Variants in RPL31 observed in about 807,000 individuals in gnomAD.
The protein encoded by RPL31 is ribosomal protein L31.
For missense variants in RPL31, 95 were observed against 164.0 expected (o/e 0.58, Z 2.30); for synonymous variants, 51 against 55.0 (o/e 0.93, Z 0.32).
At chr2:101,016,555 C>G (rs1279468079) in intron 4 of RPL31, among the ~76,000 whole-genome samples, 3 of 152,154 alleles carry the variant, frequency 2.0e-5, no homozygotes, top group African/African-American at 7.2e-5. Flanking sequence ...ACCATTTGAC[C>G]CAGCCATCCC....
chr2:101,004,300 T>A lies in RPL31; in HGVS notation c.233+17T>A. On this transcript the variant is annotated intron_variant, in intron 3 of 4. Coordinates refer to ENST00000264258, the MANE Select transcript of RPL31 (RefSeq NM_000993.5). ...AGGAATAAGGTGCTAAAGTTATCTG[T>A]ATTCGAAGGTGAACTTTTGCAATGA... 2 of 1,612,858 alleles carry A rather than the reference T, an allele frequency of 1.2e-6. No homozygotes were observed. Among genetic ancestry groups the A allele is most frequent in the Non-Finnish European group, 1.7e-6 (2 of 1,179,558 alleles).
intron 2 of RPL31, among the ~76,000 whole-genome samples, chr2:101,003,633 T>C (rs1678620469): frequency 6.6e-6 from 1 of 152,210 alleles, no homozygotes; most frequent in Admixed American, 6.5e-5. Flanking sequence ...ATGTTTTAAG[T>C]ATTTAAGTGA....
Position 101,002,666 on chromosome 2 carries a change from A to G in RPL31, c.1-36A>G, listed in dbSNP as rs1380745825. On this transcript the variant is annotated intron_variant, in intron 1 of 4. Transcript: ENST00000264258. ...GGGAGGACTTGGCTTGAGCTTGTTAAACTCTGCTCTGAGCCTCCTTGTCGC... is the reference window on the plus strand; with the variant it reads ...GGGAGGACTTGGCTTGAGCTTGTTAGACTCTGCTCTGAGCCTCCTTGTCGC... The G allele has an allele frequency of 8.4e-6, 13 of 1,548,384 alleles. No homozygotes were observed. In the Admixed American group the frequency reaches 2.0e-4, roughly 24 times the overall value.
chr2:101,006,764 T>C lies in RPL31; in HGVS notation c.*383T>C. On this transcript the variant is annotated 3_prime_UTR_variant, in exon 5 of 5. Transcript: ENST00000264258. ...ACTATCTATCTATCTATCTGTAGCATCTTAAAGGTAATGAAATTAATGTGG... is the reference window on the plus strand; with the variant it reads ...ACTATCTATCTATCTATCTGTAGCACCTTAAAGGTAATGAAATTAATGTGG... 1 of 178,602 alleles carries C rather than the reference T, an allele frequency of 5.6e-6. No homozygotes were observed. The highest frequency in any genetic ancestry group is 1.6e-4 in the East Asian group (1 of 6,382). The allele number at this position is 178,602 out of a possible 1,614,324, so 11.1% of individuals were successfully genotyped here. A position where few individuals can be genotyped will look rare whatever the true frequency, so the allele number is the denominator to read the frequency against.
At chr2:101,008,894 G>C (rs1291681156), downstream of RPL31, among the ~76,000 whole-genome samples, 1 of 152,150 alleles carries the variant, frequency 6.6e-6, no homozygotes, top group Non-Finnish European at 1.5e-5. Flanking sequence ...GGAAAATGCT[G>C]GAAACAGCTG....
intron 4 of RPL31, among the ~76,000 whole-genome samples, chr2:101,012,869 T>TAA (rs1553396639): frequency 5.3e-5 from 8 of 152,226 alleles, no homozygotes; most frequent in Non-Finnish European, 1.2e-4. Context: ...AAGCTACCCT[T>TAA]ACTTTTTCCA....
At chr2:101,003,297 A>G (rs1249019393) in intron 2 of RPL31, among the ~76,000 whole-genome samples, 2 of 152,054 alleles carry the variant, frequency 1.3e-5, no homozygotes, top group Non-Finnish European at 2.9e-5. Context: ...TGAGTCCAAT[A>G]TCACCCTGGC....
chr2:101,019,138 C>G, exon 5 of RPL31: 1 of 1,500,994 alleles, frequency 6.7e-7, no homozygotes, highest in East Asian at 2.4e-5. Flanking sequence ...CCGAGGACGT[C>G]TGTCTCCCAT....
chr2:101,006,205 T>TG (rs1678727897), intron 4 of RPL31, 134 bp downstream of exon 4: 1 of 1,508,406 alleles, frequency 6.6e-7, no homozygotes, highest in African/African-American at 1.4e-5. Flanking sequence ...TGTGGGAAGA[T>TG]GCTAAAGAAT....
intron 4 of RPL31, chr2:101,018,853 A>C (rs1437782237): frequency 3.1e-6 from 3 of 957,416 alleles, no homozygotes; most frequent in East Asian, 2.8e-5. Flanking sequence ...AAGTCCAATT[A>C]GTATAATTAA....
At position 101,006,395 on chromosome 2, in the gene RPL31, G is replaced by C. The variant is rs750487780; in HGVS notation, c.*14G>C. On this transcript the variant is annotated 3_prime_UTR_variant, in exon 5 of 5. Transcript: ENST00000264258. ...GATGAGAACTAATCGCTGATCGTCA[G>C]ATCAAATAAAGTTATAAAATTGCCT... The C allele has an allele frequency of 6.8e-6, 11 of 1,608,192 alleles. No homozygotes were observed. The highest frequency in any genetic ancestry group is 9.3e-6 in the Non-Finnish European group (11 of 1,178,450).
intron 4 of RPL31, among the ~76,000 whole-genome samples, chr2:101,018,552 C>G (rs1055254588): frequency 3.9e-5 from 6 of 152,164 alleles, no homozygotes; most frequent in Admixed American, 2.6e-4. Context: ...GGAGCAGCTT[C>G]AATTTTATTA....
chr2:101,007,620 C>A, downstream of RPL31: 1 of 602,164 alleles, frequency 1.7e-6, no homozygotes, highest in Non-Finnish European at 2.9e-6. Context: ...CCAATGGATA[C>A]CTTAGGGCAC....
intron 4 of RPL31, among the ~76,000 whole-genome samples, chr2:101,013,917 G>A (rs1429342752): frequency 6.6e-6 from 1 of 152,210 alleles, no homozygotes; most frequent in African/African-American, 2.4e-5. Context: ...ATAGTGGTTG[G>A]AAACAGCAAT....
chr2:101,009,367 C>G (rs1160503534), downstream of RPL31, among the ~76,000 whole-genome samples: 1 of 149,280 alleles, frequency 6.7e-6, no homozygotes, highest in Non-Finnish European at 1.5e-5. Context: ...GATCGTGCCA[C>G]TGCACTCTAG....
chr2:101,002,689 C>T lies in RPL31; in HGVS notation c.1-13C>T, dbSNP rs1678586375. 1 of 1,605,474 alleles carries T rather than the reference C, an allele frequency of 6.2e-7. No individual in the cohort carries two copies. Among genetic ancestry groups the T allele is most frequent in the Non-Finnish European group, 8.5e-7 (1 of 1,172,486 alleles). The stretch of plus-strand genomic sequence containing the variant: ...TAAACTCTGCTCTGAGCCTCCTTGT[C>T]GCCTGCATTTAGATGGCTCCCGCAA... On this transcript the variant is annotated splice_polypyrimidine_tract_variant and intron_variant, in intron 1 of 4. Coordinates refer to ENST00000264258, the MANE Select transcript of RPL31 (RefSeq NM_000993.5).
chr2:101,013,777 A>G (rs963695950), intron 4 of RPL31, among the ~76,000 whole-genome samples: 12 of 152,244 alleles, frequency 7.9e-5, no homozygotes, highest in African/African-American at 2.2e-4. Context: ...CTGTAGTAGA[A>G]TTCACATATG....
rs747241987 is a variant in RPL31, at chr2:101,006,383, C to A, written c.*2C>A. The A allele has an allele frequency of 6.2e-7, 1 of 1,608,532 alleles. No homozygotes were observed. The highest frequency in any genetic ancestry group is 2.2e-5 in the East Asian group (1 of 44,822). Reference sequence around the variant, plus strand: ...ACAGTCAATGTGGATGAGAACTAATCGCTGATCGTCAGATCAAATAAAGTT... The same window carrying A: ...ACAGTCAATGTGGATGAGAACTAATAGCTGATCGTCAGATCAAATAAAGTT... On this transcript the variant is annotated 3_prime_UTR_variant, in exon 5 of 5. Transcript: ENST00000264258.
downstream of RPL31, chr2:101,007,685 C>T: frequency 1.1e-6 from 1 of 881,048 alleles, no homozygotes; most frequent in Non-Finnish European, 1.8e-6. Flanking sequence ...CCCCTGGCCA[C>T]AGTTTGTCAG....
Sources: gnomAD v4.1 joint callset for allele counts (sites outside exome capture counted in the v4.1 genomes callset) on GRCh38, gnomAD v4.1.1 for gene constraint, MANE v1.5 for transcripts, NCBI Gene and HGNC (gene_info 2026-07-23, HGNC 2026-07-21) for gene names.